The following SVOPL variants were observed in gnomAD, a reference collection of about 807,000 sequenced individuals.
SVOPL encodes putative transporter SVOPL.
A neutral mutation model predicts 61.0 loss-of-function variants in SVOPL; 60 were observed. That is an observed-to-expected ratio of 0.98 (90% CI 0.80 to 1.22). The LOEUF (loss-of-function observed/expected upper bound fraction) is 1.22. Ranked by LOEUF, SVOPL falls within the 50% of genes most tolerant of loss-of-function variation. SVOPL has a pLI of 0.00. For missense variants in SVOPL, 662 were observed against 643.9 expected (o/e 1.03, Z -0.30); for synonymous variants, 279 against 250.0 (o/e 1.12, Z -1.09).
chr7:138,614,083 C>A (rs1799175418), intron 14 of SVOPL, among the ~76,000 whole-genome samples: 1 of 152,188 alleles, frequency 6.6e-6, no homozygotes, highest in Non-Finnish European at 1.5e-5. Flanking sequence ...TAAAATAATT[C>A]TTGATTCTAT....
chr7:138,644,083 C>A (rs918253197), intron 9 of SVOPL, among the ~76,000 whole-genome samples: 20 of 151,362 alleles, frequency 1.3e-4, no homozygotes, highest in African/African-American at 4.6e-4. Flanking sequence ...CACCTGTAGT[C>A]CCAGCTACTC....
chr7:138,606,426 C>T (rs915906632), intron 14 of SVOPL, among the ~76,000 whole-genome samples: 2 of 152,138 alleles, frequency 1.3e-5, no homozygotes, highest in African/African-American at 4.8e-5. Flanking sequence ...CTTCCCTTAT[C>T]TGCGTAGTTA....
chr7:138,622,126 CTATCTATCTATG>C (rs1563096315), intron 13 of SVOPL, among the ~76,000 whole-genome samples: 13 of 72,760 alleles, frequency 1.8e-4, no homozygotes, highest in Admixed American at 2.8e-4. Context: ...ATCTATGTAT[CTATCTATCTATG>C]TATCTATCTA....
chr7:138,596,371 C>A (rs760392112), intron 15 of SVOPL, 46 bp downstream of exon 15: 1 of 1,569,906 alleles, frequency 6.4e-7, no homozygotes, highest in Non-Finnish European at 8.7e-7. Context: ...TTGCTCTGGG[C>A]AAAAGTGGTA....
chr7:138,693,926 G>A (rs1803009957), intron 1 of SVOPL, among the ~76,000 whole-genome samples: 1 of 152,116 alleles, frequency 6.6e-6, no homozygotes, highest in Middle Eastern at 3.2e-3. Context: ...GAGGCATCAG[G>A]GACATGAAGA....
intron 14 of SVOPL, among the ~76,000 whole-genome samples, chr7:138,615,913 G>A (rs965697926): frequency 1.3e-5 from 2 of 152,010 alleles, no homozygotes; most frequent in African/African-American, 2.4e-5. Context: ...TGGATGTGAG[G>A]ACACAAGAAG....
chr7:138,658,160 T>G (rs1801836675), intron 6 of SVOPL, among the ~76,000 whole-genome samples: 2 of 152,118 alleles, frequency 1.3e-5, no homozygotes, highest in African/African-American at 4.8e-5. Flanking sequence ...CCTGCTGATC[T>G]CCTATCTCTT....
intron 3 of SVOPL, 149 bp downstream of exon 3, chr7:138,678,285 G>T: frequency 1.5e-6 from 1 of 646,578 alleles, no homozygotes; most frequent in Non-Finnish European, 2.5e-6. Context: ...CTCCCTAAAC[G>T]GTGCCCCATC....
rs377766025 is a variant in SVOPL at position 138,625,990 on chromosome 7, G to T, written c.1242C>A (p.Thr414=). Residue 414 remains threonine, a synonymous_variant, in exon 13 of 16, where the codon ACC becomes ACA. Coordinates refer to ENST00000674285, the MANE Select transcript of SVOPL (RefSeq NM_001139456.2). ...TCACCTCAGCTGTGTAAATGTAGAC[G>T]GTGTTGAAGTTTGCAGCTACCAGAG... ...LRALVAANFN[T]VYIYTAEVYP... 1 of 1,613,964 alleles carries T rather than the reference G, an allele frequency of 6.2e-7. No homozygotes were observed. Among genetic ancestry groups the T allele is most frequent in the African/African-American group, 1.3e-5 (1 of 74,904 alleles).
intron 15 of SVOPL, 56 bp from the exon 16 acceptor site, chr7:138,594,677 T>C: frequency 7.6e-7 from 1 of 1,320,874 alleles, no homozygotes; most frequent in Non-Finnish European, 1.0e-6. Flanking sequence ...TCTTGTCCAT[T>C]CATACTGAGC....
Position 138,649,266 on chromosome 7 carries a change from T to A in SVOPL, c.535-129A>T. The A allele has an allele frequency of 1.4e-5, 17 of 1,236,494 alleles. 1 individual carries two copies. The highest frequency in any genetic ancestry group is 1.7e-5 in the Non-Finnish European group (16 of 923,656). 76.6% of individuals were successfully genotyped at this position (1,236,494 alleles called of 1,614,324 possible). The stretch of plus-strand genomic sequence containing the variant: ...CCCATGTGCTTCACATATCTTCTTT[T>A]GGGAGCCACTTTGTCCAGCATTTTG... On this transcript the variant is annotated intron_variant, in intron 7 of 15. Transcript: ENST00000674285.
At chr7:138,637,445 TAG>T (rs1198837541) in intron 9 of SVOPL, among the ~76,000 whole-genome samples, 2,367 of 10,540 alleles carry the variant, frequency 0.22, 53 homozygotes, top group Non-Finnish European at 0.26. Flanking sequence ...TATATATAGA[TAG>T]ATAGATAGAT....
intron 7 of SVOPL, among the ~76,000 whole-genome samples, chr7:138,655,094 G>GT (rs1801656574): frequency 6.6e-6 from 1 of 152,036 alleles, no homozygotes; most frequent in African/African-American, 2.4e-5. Context: ...GGTGGCTGAG[G>GT]TGGGAGGATC....
chr7:138,661,348 A>G, intron 5 of SVOPL: 1 of 985,386 alleles, frequency 1.0e-6, no homozygotes, highest in African/African-American at 1.7e-5. Context: ...ATACCTGCAA[A>G]TGTCCACACT....
At chr7:138,678,671 A>G in intron 2 of SVOPL, 146 bp from the exon 3 acceptor site, 1 of 750,704 alleles carries the variant, frequency 1.3e-6, no homozygotes, top group East Asian at 2.7e-5. Context: ...TACTGGTCCA[A>G]GCAATTCTCC....
chr7:138,678,862 G>T, intron 2 of SVOPL, 102 bp downstream of exon 2: 2 of 1,208,054 alleles, frequency 1.7e-6, no homozygotes, highest in Non-Finnish European at 1.2e-6. Flanking sequence ...GAGCCACCAT[G>T]CCTGGCTGCT....
chr7:138,644,948 GA>G, intron 8 of SVOPL, 103 bp from the exon 9 acceptor site: 1 of 1,458,816 alleles, frequency 6.9e-7, no homozygotes, highest in Non-Finnish European at 9.4e-7. Flanking sequence ...CCCAAGATAG[GA>G]AAAGTATGTA....
intron 14 of SVOPL, among the ~76,000 whole-genome samples, chr7:138,619,709 C>T (rs1584789172): frequency 6.6e-6 from 1 of 152,148 alleles, no homozygotes; most frequent in South Asian, 2.1e-4. Context: ...TCCCAACTCC[C>T]GCTCTCTGTC....
chr7:138,631,960 TCACACA>T (rs756332176), intron 9 of SVOPL, among the ~76,000 whole-genome samples: 1 of 146,964 alleles, frequency 6.8e-6, no homozygotes, highest in African/African-American at 2.5e-5. Context: ...TGCTCTGATA[TCACACA>T]CACACACACA....
Sources: allele counts gnomAD v4.1 joint callset (sites outside exome capture counted in the v4.1 genomes callset), GRCh38; gene constraint gnomAD v4.1.1; transcripts MANE v1.5; gene names NCBI Gene and HGNC (gene_info 2026-07-23, HGNC 2026-07-21).